SPMIP2: variants seen among roughly 807,000 people sequenced by gnomAD.
The protein encoded by SPMIP2 is sperm microtubule inner protein 2, also known as protein SPMIP2.
chr4:158,946,263 T>C, the SPMIP2 span, among the ~76,000 whole-genome samples: 1 of 152,242 alleles, frequency 6.6e-6, no homozygotes, highest in Admixed American at 6.5e-5. Flanking sequence ...AGCTAGCTTT[T>C]CTTTCAAAAA....
the SPMIP2 span, among the ~76,000 whole-genome samples, chr4:159,067,389 C>T: frequency 6.6e-6 from 1 of 152,102 alleles, no homozygotes; most frequent in African/African-American, 2.4e-5. Flanking sequence ...CGCCACCATG[C>T]CCGGCTAATT....
At chr4:158,937,748 C>G in the SPMIP2 span, among the ~76,000 whole-genome samples, 18 of 152,154 alleles carry the variant, frequency 1.2e-4, no homozygotes, top group Admixed American at 1.0e-3. Flanking sequence ...AGAAAGTGAA[C>G]AGTCTATGTA....
At chr4:158,937,320 G>A in the SPMIP2 span, among the ~76,000 whole-genome samples, 1 of 152,298 alleles carries the variant, frequency 6.6e-6, no homozygotes, top group Non-Finnish European at 1.5e-5. Flanking sequence ...ATTATTAATA[G>A]AGAAAAATTT....
chr4:158,917,975 T>C, the SPMIP2 span, among the ~76,000 whole-genome samples: 5 of 152,130 alleles, frequency 3.3e-5, no homozygotes, highest in African/African-American at 1.2e-4. Flanking sequence ...CACCTCGGCC[T>C]CCCAAAGTGC....
the SPMIP2 span, among the ~76,000 whole-genome samples, chr4:158,943,142 C>T: frequency 6.6e-6 from 1 of 152,148 alleles, no homozygotes; most frequent in Non-Finnish European, 1.5e-5. Flanking sequence ...GCCTTTTGTA[C>T]CCTCAGACTC....
chr4:158,973,829 A>C, the SPMIP2 span, among the ~76,000 whole-genome samples: 1 of 152,068 alleles, frequency 6.6e-6, no homozygotes, highest in South Asian at 2.1e-4. Flanking sequence ...CTCTACAAAA[A>C]ATAAAAATTA....
the SPMIP2 span, among the ~76,000 whole-genome samples, chr4:159,055,236 G>C: frequency 1.3e-5 from 2 of 152,172 alleles, no homozygotes; most frequent in African/African-American, 4.8e-5. Context: ...CTGTGGCGCT[G>C]CCTGGAGAGA....
chr4:159,054,940 C>G, the SPMIP2 span, among the ~76,000 whole-genome samples: 1 of 152,128 alleles, frequency 6.6e-6, no homozygotes, highest in South Asian at 2.1e-4. Context: ...GCACCCCAGG[C>G]TGAAGCAGCT....
At chr4:158,905,917 T>C in the SPMIP2 span, 1 of 152,210 alleles carries the variant, frequency 6.6e-6, no homozygotes, top group African/African-American at 2.4e-5. Flanking sequence ...TTTTATGAAT[T>C]AATTCCAGTT....
the SPMIP2 span, among the ~76,000 whole-genome samples, chr4:158,969,519 A>T: frequency 6.6e-6 from 1 of 152,348 alleles, no homozygotes; most frequent in African/African-American, 2.4e-5. Context: ...ATAGCTAAAC[A>T]TTAAAAAATC....
At chr4:159,053,626 C>T in the SPMIP2 span, among the ~76,000 whole-genome samples, 4 of 152,112 alleles carry the variant, frequency 2.6e-5, no homozygotes, top group Admixed American at 6.5e-5. Flanking sequence ...TAAGTCATTC[C>T]TGGGAGATAT....
chr4:158,928,463 G>A, the SPMIP2 span, among the ~76,000 whole-genome samples: 23 of 151,886 alleles, frequency 1.5e-4, no homozygotes, highest in African/African-American at 5.6e-4. Flanking sequence ...GTGGGGCCTT[G>A]GAGAACCTTT....
the SPMIP2 span, among the ~76,000 whole-genome samples, chr4:158,987,393 C>A: frequency 5.9e-5 from 9 of 151,986 alleles, no homozygotes; most frequent in African/African-American, 2.2e-4. Context: ...AAATGTCCAA[C>A]AATGATAGAC....
chr4:158,927,989 C>T, the SPMIP2 span, among the ~76,000 whole-genome samples: 1 of 152,230 alleles, frequency 6.6e-6, no homozygotes, highest in Admixed American at 6.5e-5. Context: ...TTCCCACCCC[C>T]TCTGTGGGCT....
chr4:158,906,046 G>A, the SPMIP2 span: 1 of 152,100 alleles, frequency 6.6e-6, no homozygotes, highest in Non-Finnish European at 1.5e-5. Context: ...TTTTAATGAT[G>A]CAAAATGTAG....
chr4:159,012,603 ACT>A, the SPMIP2 span, among the ~76,000 whole-genome samples: 1 of 151,432 alleles, frequency 6.6e-6, no homozygotes, highest in Non-Finnish European at 1.5e-5. Context: ...AGAGGATCTC[ACT>A]CTGTCATCCA....
At chr4:159,017,730 A>C in the SPMIP2 span, among the ~76,000 whole-genome samples, 1 of 152,188 alleles carries the variant, frequency 6.6e-6, no homozygotes, top group Non-Finnish European at 1.5e-5. Context: ...TCTGCCTGTG[A>C]TATACCTAAG....
chr4:158,975,007 T>C, the SPMIP2 span, among the ~76,000 whole-genome samples: 15 of 152,210 alleles, frequency 9.9e-5, no homozygotes, highest in African/African-American at 3.4e-4. Flanking sequence ...TTCTAACTGG[T>C]GTGATATGGT....
chr4:159,030,747 T>A, the SPMIP2 span, among the ~76,000 whole-genome samples: 1 of 152,254 alleles, frequency 6.6e-6, no homozygotes, highest in Admixed American at 6.5e-5. Context: ...TCCACCTGCC[T>A]CGGCCTCCCA....
Sources: allele counts gnomAD v4.1 joint callset (sites outside exome capture counted in the v4.1 genomes callset), GRCh38; gene constraint gnomAD v4.1.1; transcripts MANE v1.5; gene names NCBI Gene and HGNC (gene_info 2026-07-23, HGNC 2026-07-21).